Variants in CTAGE1 observed in about 807,000 individuals in gnomAD.
CTAGE1 encodes cTAGE family member 2.
For missense variants in CTAGE1, 963 were observed against 855.9 expected (o/e 1.13, Z -1.56); for synonymous variants, 332 against 302.8 (o/e 1.10, Z -1.00).
rs766244235 is a variant in CTAGE1 at position 22,415,965 on chromosome 18, G to A, written c.1847C>T (p.Ser616Phe). 4.3e-5 allele frequency: 70 copies of A among 1,613,836 alleles called. No individual in the cohort carries two copies. The highest frequency in any genetic ancestry group is 5.8e-5 in the Non-Finnish European group (68 of 1,179,874). The change falls in exon 1 of 1, where the codon TCT (serine) becomes TTT (phenylalanine). Residue 616 changes from serine to phenylalanine, a missense_variant. Physicochemically the swap from Ser to Phe is radical, Grantham distance 155. Transcript: ENST00000391403. ...PAELRSFNMP[S>F]LDKMDGSMPS... ...CATTGACCCATCCATTTTATCCAAAGAAGGCATATTAAAACTTCTGAGTTC... is the reference window on the plus strand; with the variant it reads ...CATTGACCCATCCATTTTATCCAAAAAAGGCATATTAAAACTTCTGAGTTC...
chr18:22,415,009 T>A lies in CTAGE1; in HGVS notation c.*565A>T. ...GATATAAAATCTATAAGACAGGAGA[T>A]CCAAGATCATCTTGGTTTAAAGTGA... On this transcript the variant is annotated 3_prime_UTR_variant, in exon 1 of 1. Transcript: ENST00000391403. 1 of 559,248 alleles carries A rather than the reference T, an allele frequency of 1.8e-6. No individual in the cohort carries two copies. The highest frequency in any genetic ancestry group is 3.1e-6 in the Non-Finnish European group (1 of 318,478). The allele number at this position is 559,248 out of a possible 1,614,324, so 34.6% of individuals were successfully genotyped here.
In CTAGE1 at chr18:22,416,239, C is replaced by T. The variant is rs2035013592; in HGVS notation, c.1573G>A (p.Gly525Arg). ...RLSPLLPRGGGRGSRGPGNPP... is the reference protein window; with the variant it reads ...RLSPLLPRGGRRGSRGPGNPP... ...TTCCCTGGGCCTCTGGAGCCTCTTC[C>T]TCCTCCCCGTGGAAGCAAAGGTGAG... The change falls in exon 1 of 1, where the codon GGA (glycine) becomes AGA (arginine). Residue 525 changes from glycine to arginine, a missense_variant. By Grantham distance (125) the Gly-to-Arg change is moderately radical (BLOSUM62 -2). Transcript: ENST00000391403. 6.2e-7 allele frequency: 1 copy of T among 1,613,930 alleles called. No homozygotes were observed. Among genetic ancestry groups the T allele is most frequent in the Non-Finnish European group, 8.5e-7 (1 of 1,179,858 alleles).
At position 22,415,000 on chromosome 18, in the gene CTAGE1, G is replaced by C. The variant is rs138031196; in HGVS notation, c.*574C>G. 5,888 of 573,428 alleles carry C rather than the reference G, an allele frequency of 0.01. 36 individuals carry two copies. Among genetic ancestry groups the C allele is most frequent in the Non-Finnish European group, 0.014 (4,608 of 326,224 alleles). 35.5% of individuals were successfully genotyped at this position (573,428 alleles called of 1,614,324 possible). A position where few individuals can be genotyped will look rare whatever the true frequency, so the allele number is the denominator to read the frequency against. On this transcript the variant is annotated 3_prime_UTR_variant, in exon 1 of 1. Coordinates refer to ENST00000391403, the MANE Select transcript of CTAGE1 (RefSeq NM_172241.3). ...CTGAAAGAGGATATAAAATCTATAA[G>C]ACAGGAGATCCAAGATCATCTTGGT... is the stretch of plus-strand genomic sequence containing the variant.
At position 22,417,101 on chromosome 18, in the gene CTAGE1, CAG is replaced by C; in HGVS notation, c.709_710del (p.Leu237AspfsTer2). 4 of 1,613,940 alleles carry C rather than the reference CAG, an allele frequency of 2.5e-6. No individual in the cohort carries two copies. The highest frequency in any genetic ancestry group is 1.1e-5 in the South Asian group (1 of 91,070). Reference sequence around the variant, plus strand: ...CTTTCATCTTTAGCAAGCGTTCAGTCAGAGTCTTGATGTGATTTTCTTTATCA... The same window carrying C: ...CTTTCATCTTTAGCAAGCGTTCAGTCAGTCTTGATGTGATTTTCTTTATCA... ...LNDKENHIKT[L>X]TERLLKMKDG... is the part of the protein sequence containing the mutation. On this transcript the variant is annotated frameshift_variant, in exon 1 of 1. Coordinates refer to ENST00000391403, the MANE Select transcript of CTAGE1 (RefSeq NM_172241.3). LOFTEE classifies it low-confidence loss of function (END_TRUNC).
Position 22,417,911 on chromosome 18 carries a change from G to C in CTAGE1, c.-100C>G. The C allele has an allele frequency of 8.5e-7, 1 of 1,173,446 alleles. No individual in the cohort carries two copies. Among genetic ancestry groups the C allele is most frequent in the Non-Finnish European group, 1.2e-6 (1 of 806,352 alleles). The allele number at this position is 1,173,446 out of a possible 1,614,324, so 72.7% of individuals were successfully genotyped here. A position where few individuals can be genotyped will look rare whatever the true frequency, so the allele number is the denominator to read the frequency against. On this transcript the variant is annotated 5_prime_UTR_variant, in exon 1 of 1. Transcript: ENST00000391403. ...TAGGCTCCTCCGTAGCGCCAAGGCT[G>C]CTCTGGCGGTTGCTGCAGTAACCTC...
Position 22,417,197 on chromosome 18 carries a change from T to C in CTAGE1, c.615A>G (p.Gln205=). 6.2e-7 allele frequency: 1 copy of C among 1,613,982 alleles called. No homozygotes were observed. The highest frequency in any genetic ancestry group is 8.5e-7 in the Non-Finnish European group (1 of 1,179,852). The change falls in exon 1 of 1, where the codon CAA becomes CAG. Residue 205 remains glutamine, a synonymous_variant. Coordinates refer to ENST00000391403, the MANE Select transcript of CTAGE1 (RefSeq NM_172241.3). ...LLQEAEVWKE[Q]VSELIKQKRT... is the part of the protein sequence containing the mutation. The stretch of plus-strand genomic sequence containing the variant: ...TTTTCTGTTTAATAAGTTCACTCAC[T>C]TGTTCTTTCCATACTTCAGCTTCTT...
At position 22,416,941 on chromosome 18, in the gene CTAGE1, T is replaced by G; in HGVS notation, c.871A>C (p.Lys291Gln). 1.2e-6 allele frequency: 2 copies of G among 1,614,066 alleles called. No homozygotes were observed. The highest frequency in any genetic ancestry group is 1.7e-6 in the Non-Finnish European group (2 of 1,179,922). The change falls in exon 1 of 1, where the codon AAG becomes CAG. Residue 291 changes from lysine (K) to glutamine (Q), a missense_variant. Coordinates refer to ENST00000391403, the MANE Select transcript of CTAGE1 (RefSeq NM_172241.3). The part of the protein sequence containing the change: ...GALKKLIHAA[K>Q]LNASLKTLEG... ...AAGGTTTTTAAGGAAGCATTTAACT[T>G]AGCAGCATGAATCAGTTTCTTCAAA...
Position 22,413,757 on chromosome 18 carries a change from A to G in CTAGE1, c.*1817T>C, listed in dbSNP as rs1056225356. ...ACAAGGAACTGAAGTAACGTTTTCA[A>G]TCTCATTCAGGCCTATTCTGGGGAA... On this transcript the variant is annotated 3_prime_UTR_variant, in exon 1 of 1. Coordinates refer to ENST00000391403, the MANE Select transcript of CTAGE1 (RefSeq NM_172241.3). The G allele has an allele frequency of 7.2e-5, 11 of 152,258 alleles. No homozygotes were observed. Among genetic ancestry groups the G allele is most frequent in the African/African-American group, 2.4e-4 (10 of 41,470 alleles). 9.4% of individuals were successfully genotyped at this position (152,258 alleles called of 1,614,324 possible). A position where few individuals can be genotyped will look rare whatever the true frequency, so the allele number is the denominator to read the frequency against.
In CTAGE1 at chr18:22,414,006, A is replaced by G. The variant is rs1218055195; in HGVS notation, c.*1568T>C. 6.6e-6 allele frequency: 1 copy of G among 152,224 alleles called. No homozygotes were observed. The highest frequency in any genetic ancestry group is 1.5e-5 in the Non-Finnish European group (1 of 68,050). The allele number at this position is 152,224 out of a possible 1,614,324, so 9.4% of individuals were successfully genotyped here. ...ATATGATACATAGACAGAAATCCAG[A>G]AAAATCTCCTTAATCTTGCAATTCC... On this transcript the variant is annotated 3_prime_UTR_variant, in exon 1 of 1. Transcript: ENST00000391403.
In CTAGE1 at chr18:22,417,286, T is replaced by C. The variant is rs756065950; in HGVS notation, c.526A>G (p.Ile176Val). 6.2e-7 allele frequency: 1 copy of C among 1,614,006 alleles called. No homozygotes were observed. The highest frequency in any genetic ancestry group is 1.7e-5 in the Admixed American group (1 of 60,026). ...TCTTTCCAAGCATCTTGTATTTCTA[T>C]CTCCAACCGTTCTTCATTCGCTTGA... ...RFQANEERLEIEIQDAWKENS... is the reference protein window; with the variant it reads ...RFQANEERLEVEIQDAWKENS... Residue 176 changes from isoleucine to valine, a missense_variant, in exon 1 of 1, where the codon ATA (isoleucine) becomes GTA (valine). By Grantham distance (29) the Ile-to-Val change is conservative. Transcript: ENST00000391403.
Position 22,416,956 on chromosome 18 carries a change from G to A in CTAGE1, c.856C>T (p.Leu286=), listed in dbSNP as rs746962634. 5 of 1,613,882 alleles carry A rather than the reference G, an allele frequency of 3.1e-6. No individual in the cohort carries two copies. In the African/African-American group the frequency reaches 6.7e-5, roughly 22 times the overall value. The change falls in exon 1 of 1, where the codon CTG becomes TTG. Residue 286 remains leucine, a synonymous_variant. Coordinates refer to ENST00000391403, the MANE Select transcript of CTAGE1 (RefSeq NM_172241.3). The stretch of plus-strand genomic sequence containing the variant: ...GCATTTAACTTAGCAGCATGAATCA[G>A]TTTCTTCAAAGCTCCTTTTGGAGGA... The part of the protein sequence containing the change: ...DNPPKGALKK[L]IHAAKLNASL...
At position 22,416,381 on chromosome 18, in the gene CTAGE1, T is replaced by G. The variant is rs367998467; in HGVS notation, c.1431A>C (p.Pro477=). The change falls in exon 1 of 1, where the codon CCA becomes CCC. Residue 477 remains proline, a synonymous_variant. Transcript: ENST00000391403. ...LEKDPYGLDV[P]NTAFGRQHSP... ...AATGCTGTCTGCCAAATGCTGTATTTGGAACATCAAGTCCATAAGGATCTT... is the reference window on the plus strand; with the variant it reads ...AATGCTGTCTGCCAAATGCTGTATTGGGAACATCAAGTCCATAAGGATCTT... 2 of 1,613,892 alleles carry G rather than the reference T, an allele frequency of 1.2e-6. No homozygotes were observed. The highest frequency in any genetic ancestry group is 2.7e-5 in the African/African-American group (2 of 74,914).
rs755959490 is a variant in CTAGE1 at position 22,416,362 on chromosome 18, G to C, written c.1450C>G (p.Gln484Glu). 2 of 1,613,946 alleles carry C rather than the reference G, an allele frequency of 1.2e-6. No individual in the cohort carries two copies. The highest frequency in any genetic ancestry group is 1.7e-6 in the Non-Finnish European group (2 of 1,179,858). The change falls in exon 1 of 1, where the codon CAG (glutamine) becomes GAG (glutamate). Residue 484 changes from glutamine to glutamate, a missense_variant. By Grantham distance (29) the Gln-to-Glu change is conservative. Coordinates refer to ENST00000391403, the MANE Select transcript of CTAGE1 (RefSeq NM_172241.3). ...LDVPNTAFGR[Q>E]HSPYGPSPLG... Reference sequence around the variant, plus strand: ...GGTGAGGGACCATATGGGGAATGCTGTCTGCCAAATGCTGTATTTGGAACA... The same window carrying C: ...GGTGAGGGACCATATGGGGAATGCTCTCTGCCAAATGCTGTATTTGGAACA...
Position 22,416,096 on chromosome 18 carries a change from A to G in CTAGE1, c.1716T>C (p.Tyr572=). 1 of 1,613,988 alleles carries G rather than the reference A, an allele frequency of 6.2e-7. No homozygotes were observed. ...GPLAPPWEQD[Y]RMMFPPPGQS... ...GTCCTGGTGGAGGAAACATCATCCT[A>G]TAGTCCTGTTCCCACGGAGGTGCCA... The change falls in exon 1 of 1, where the codon TAT becomes TAC. Residue 572 remains tyrosine (Y), a synonymous_variant. Coordinates refer to ENST00000391403, the MANE Select transcript of CTAGE1 (RefSeq NM_172241.3).
chr18:22,415,415 C>CACTT lies in CTAGE1; in HGVS notation c.*155_*158dup, dbSNP rs1332907303. On this transcript the variant is annotated 3_prime_UTR_variant, in exon 1 of 1. Coordinates refer to ENST00000391403, the MANE Select transcript of CTAGE1 (RefSeq NM_172241.3). The stretch of plus-strand genomic sequence containing the variant: ...GTTTCAATCTGAACAAAAGTGTAAT[C>CACTT]ACTTAAGTAACAGCAGTTACTTAAA... The CACTT allele has an allele frequency of 1.1e-5, 7 of 619,482 alleles. No individual in the cohort carries two copies. The East Asian group carries it at 1.9e-4, about 17-fold the overall frequency. The allele number at this position is 619,482 out of a possible 1,614,324, so 38.4% of individuals were successfully genotyped here. A position where few individuals can be genotyped will look rare whatever the true frequency, so the allele number is the denominator to read the frequency against.
rs1156319189 is a variant in CTAGE1, at chr18:22,417,767, C to G, written c.45G>C (p.Val15=). 1.2e-6 allele frequency: 2 copies of G among 1,614,100 alleles called. No homozygotes were observed. The highest frequency in any genetic ancestry group is 1.7e-6 in the Non-Finnish European group (2 of 1,180,046). ...SHPYGFPWEL[V]IRAAVAGFFA... is the part of the protein sequence containing the mutation. ...AAAATCCAGCAACAGCTGCACGTAT[C>G]ACCAATTCCCATGGAAAACCATAAG... is the stretch of plus-strand genomic sequence containing the variant. The change falls in exon 1 of 1, where the codon GTG becomes GTC. Residue 15 remains valine (V), a synonymous_variant. Coordinates refer to ENST00000391403, the MANE Select transcript of CTAGE1 (RefSeq NM_172241.3).
Position 22,415,002 on chromosome 18 carries a change from C to T in CTAGE1, c.*572G>A. 1.8e-6 allele frequency: 1 copy of T among 570,136 alleles called. No homozygotes were observed. Among genetic ancestry groups the T allele is most frequent in the South Asian group, 2.4e-5 (1 of 42,068 alleles). 35.3% of individuals were successfully genotyped at this position (570,136 alleles called of 1,614,324 possible). Reference sequence around the variant, plus strand: ...GAAAGAGGATATAAAATCTATAAGACAGGAGATCCAAGATCATCTTGGTTT... The same window carrying T: ...GAAAGAGGATATAAAATCTATAAGATAGGAGATCCAAGATCATCTTGGTTT... On this transcript the variant is annotated 3_prime_UTR_variant, in exon 1 of 1. Coordinates refer to ENST00000391403, the MANE Select transcript of CTAGE1 (RefSeq NM_172241.3).
Position 22,414,771 on chromosome 18 carries a change from G to T in CTAGE1, c.*803C>A, listed in dbSNP as rs1568124195. ...CTATATAATTCTGGGGCAAGTAAAA[G>T]TTCTGGATAAAGTTGTTCCCACCAA... On this transcript the variant is annotated 3_prime_UTR_variant, in exon 1 of 1. Coordinates refer to ENST00000391403, the MANE Select transcript of CTAGE1 (RefSeq NM_172241.3). The T allele has an allele frequency of 2.8e-6, 2 of 702,780 alleles. No individual in the cohort carries two copies. The highest frequency in any genetic ancestry group is 2.7e-5 in the East Asian group (1 of 37,280). The allele number at this position is 702,780 out of a possible 1,614,324, so 43.5% of individuals were successfully genotyped here. A position where few individuals can be genotyped will look rare whatever the true frequency, so the allele number is the denominator to read the frequency against.
At position 22,416,304 on chromosome 18, in the gene CTAGE1, G is replaced by C; in HGVS notation, c.1508C>G (p.Ser503Cys). ...TTCCAACAAAGTTGGAGGATAGAGA[G>C]AAGCTCTCGTTTCAGATGAAGGCCA... is the stretch of plus-strand genomic sequence containing the variant. ...LGWPSSETRA[S>C]LYPPTLLEGP... The change falls in exon 1 of 1, where the codon TCT (serine) becomes TGT (cysteine). Residue 503 changes from serine (S) to cysteine (C), a missense_variant. Transcript: ENST00000391403. The C allele has an allele frequency of 6.2e-7, 1 of 1,613,998 alleles. No homozygotes were observed. The highest frequency in any genetic ancestry group is 8.5e-7 in the Non-Finnish European group (1 of 1,179,868).
Sources: allele counts gnomAD v4.1 joint callset, GRCh38; gene constraint gnomAD v4.1.1; transcripts MANE v1.5; gene names NCBI Gene and HGNC (gene_info 2026-07-23, HGNC 2026-07-21).